Variants in TRIM55 observed in about 807,000 individuals in gnomAD.
TRIM55 encodes tripartite motif containing 55, also known as tripartite motif-containing protein 55.
In TRIM55, 50 loss-of-function variants were observed where a neutral mutation model predicts 60.9. The observed-to-expected ratio is 0.82, with a 90% CI of 0.65 to 1.04. The LOEUF is 1.04. Among genes scored for constraint, TRIM55 ranks in the 50% least tolerant of loss-of-function variants. TRIM55 has a pLI of 0.00. For missense variants in TRIM55, 681 were observed against 666.9 expected (o/e 1.02, Z -0.23); for synonymous variants, 237 against 238.1 (o/e 1.00, Z 0.04).
chr8:66,124,594 C>G (rs749074383), upstream of TRIM55, among the ~76,000 whole-genome samples: 5 of 151,990 alleles, frequency 3.3e-5, no homozygotes, highest in Non-Finnish European at 7.4e-5. Context: ...TTCCTCTGAC[C>G]CTGAAATGCT....
intron 2 of TRIM55, among the ~76,000 whole-genome samples, chr8:66,132,501 C>G (rs1809220700): frequency 6.6e-6 from 1 of 152,148 alleles, no homozygotes; most frequent in Non-Finnish European, 1.5e-5. Context: ...ATTGCCTCAC[C>G]AAGACCAGAT....
At chr8:66,134,872 G>A in intron 2 of TRIM55, 118 bp from the exon 3 acceptor site, 1 of 1,094,146 alleles carries the variant, frequency 9.1e-7, no homozygotes, top group Non-Finnish European at 1.3e-6. Flanking sequence ...TTCTGGAATA[G>A]AATTGCTGGG....
intron 9 of TRIM55, among the ~76,000 whole-genome samples, chr8:66,170,146 A>G (rs1413282788): frequency 6.6e-6 from 1 of 152,202 alleles, no homozygotes; most frequent in Non-Finnish European, 1.5e-5. Flanking sequence ...CCAGTTCTGT[A>G]GTGTTAAGTA....
intron 9 of TRIM55, among the ~76,000 whole-genome samples, chr8:66,162,052 A>G (rs1194368161): frequency 2.0e-5 from 3 of 151,872 alleles, no homozygotes; most frequent in Non-Finnish European, 4.4e-5. Context: ...TTCCAGTACT[A>G]TGTTGAATAG....
intron 4 of TRIM55, among the ~76,000 whole-genome samples, chr8:66,145,661 T>C (rs1487180735): frequency 7.1e-6 from 1 of 140,642 alleles, no homozygotes; most frequent in Admixed American, 6.9e-5. Flanking sequence ...TTGGGTTTTG[T>C]TTTTTTTTTC....
chr8:66,149,418 T>A (rs899834488), intron 4 of TRIM55, among the ~76,000 whole-genome samples: 1 of 152,248 alleles, frequency 6.6e-6, no homozygotes, highest in Non-Finnish European at 1.5e-5. Context: ...CATTGATTCA[T>A]GTAGCCAATT....
intron 4 of TRIM55, among the ~76,000 whole-genome samples, chr8:66,144,268 A>G (rs1809985157): frequency 6.6e-6 from 1 of 152,214 alleles, no homozygotes; most frequent in Non-Finnish European, 1.5e-5. Context: ...CCCACCCATC[A>G]TCATCTTACC....
At chr8:66,157,557 AG>A (rs1267905968) in intron 9 of TRIM55, among the ~76,000 whole-genome samples, 1 of 152,170 alleles carries the variant, frequency 6.6e-6, no homozygotes, top group African/African-American at 2.4e-5. Context: ...ATGTGGTAAG[AG>A]TTCTCTTTGA....
chr8:66,113,628 A>T, the TRIM55 span: 1 of 455,520 alleles, frequency 2.2e-6, no homozygotes, highest in East Asian at 7.0e-5. Flanking sequence ...CCCTGCGGGA[A>T]CGTGTCCGGG....
intron 7 of TRIM55, among the ~76,000 whole-genome samples, chr8:66,151,218 C>G (rs544585761): frequency 3.3e-5 from 5 of 152,284 alleles, no homozygotes; most frequent in Admixed American, 3.3e-4. Flanking sequence ...TAAGTCACAA[C>G]CTGAACATAA....
intron 4 of TRIM55, among the ~76,000 whole-genome samples, chr8:66,140,049 C>A (rs1457455293): frequency 3.3e-5 from 5 of 152,196 alleles, no homozygotes; most frequent in African/African-American, 1.2e-4. Context: ...AGTACTGTAG[C>A]ATGCTGTACA....
rs1810163659 is a variant in TRIM55 at position 66,147,587 on chromosome 8, G to A, written c.604-2058G>A. Among the ~76,000 whole-genome samples, 3 of 152,110 alleles carry A rather than the reference G, an allele frequency of 2.0e-5. No homozygotes were observed. In the South Asian group the frequency reaches 6.2e-4, roughly 32 times the overall value. On this transcript the variant is annotated intron_variant, in intron 4 of 9. Transcript: ENST00000315962. ...CGAGGCGGGTGGATCATGAGGTCAG[G>A]AGTTTGAGATCAGCCTGACCAATAT...
intron 9 of TRIM55, among the ~76,000 whole-genome samples, chr8:66,156,447 C>A (rs1423480787): frequency 6.6e-6 from 1 of 152,076 alleles, no homozygotes; most frequent in African/African-American, 2.4e-5. Context: ...TCCGAGTCAC[C>A]GTTCTCATAG....
At chr8:66,161,136 G>T (rs1811027790) in intron 9 of TRIM55, among the ~76,000 whole-genome samples, 1 of 152,036 alleles carries the variant, frequency 6.6e-6, no homozygotes, top group Admixed American at 6.6e-5. Flanking sequence ...CTATTGTCTA[G>T]AATTTTTATA....
chr8:66,145,075 G>A (rs1248745884), intron 4 of TRIM55, among the ~76,000 whole-genome samples: 2 of 152,064 alleles, frequency 1.3e-5, no homozygotes, highest in Non-Finnish European at 1.5e-5. Context: ...AGCTTAGAGG[G>A]CAAATTGATA....
intron 9 of TRIM55, among the ~76,000 whole-genome samples, chr8:66,164,844 T>C (rs1286879498): frequency 6.7e-6 from 1 of 148,930 alleles, no homozygotes; most frequent in Non-Finnish European, 1.5e-5. Context: ...ATAAAGGTGA[T>C]CCCAGAGGAA....
At chr8:66,139,164 A>C (rs1809657279) in intron 4 of TRIM55, among the ~76,000 whole-genome samples, 1 of 152,236 alleles carries the variant, frequency 6.6e-6, no homozygotes, top group Non-Finnish European at 1.5e-5. Context: ...CAATTTGGTC[A>C]TAACACCGTG....
intron 6 of TRIM55, 22 bp from the exon 7 acceptor site, chr8:66,150,320 T>C (rs973823447): frequency 2.5e-6 from 4 of 1,614,008 alleles, no homozygotes; most frequent in African/African-American, 2.7e-5. Flanking sequence ...TGACAGAAAG[T>C]GGCAACTTGT....
At chr8:66,114,122 T>G in the TRIM55 span, among the ~76,000 whole-genome samples, 1 of 123,616 alleles carries the variant, frequency 8.1e-6, no homozygotes, top group Non-Finnish European at 1.6e-5. Context: ...ACCAAAAAAG[T>G]CTGTCTTCAG....
Sources: gnomAD v4.1 joint callset for allele counts (sites outside exome capture counted in the v4.1 genomes callset) on GRCh38, gnomAD v4.1.1 for gene constraint, MANE v1.5 for transcripts, NCBI Gene and HGNC (gene_info 2026-07-23, HGNC 2026-07-21) for gene names.